Variants in EPB41L3 observed in about 807,000 individuals in gnomAD.
EPB41L3 encodes the protein erythrocyte membrane protein band 4.1 like 3, also known as band 4.1-like protein 3.
In EPB41L3, 57 loss-of-function variants were observed where a neutral mutation model predicts 127.1. The ratio of observed to expected loss-of-function variants is 0.45; its 90% CI spans 0.36 to 0.56. The LOEUF is 0.56. Among genes scored for constraint, EPB41L3 ranks in the 20% least tolerant of loss-of-function variants. The probability of loss-of-function intolerance (pLI) is 0.00; values close to 1 mark genes in which losing one functional copy is unlikely to be tolerated. For missense variants in EPB41L3, 1,273 were observed against 1,372.2 expected (o/e 0.93, Z 1.14); for synonymous variants, 572 against 549.5 (o/e 1.04, Z -0.57).
At chr18:5,619,307 T>C (rs1268388302) in intron 1 of EPB41L3, among the ~76,000 whole-genome samples, 1 of 152,224 alleles carries the variant, frequency 6.6e-6, no homozygotes, top group African/African-American at 2.4e-5. Context: ...CTCACTTCCA[T>C]CCATATGCAG....
chr18:5,423,627 C>G, intron 10 of EPB41L3, 74 bp from the exon 11 acceptor site: 3 of 1,370,854 alleles, frequency 2.2e-6, no homozygotes, highest in Non-Finnish European at 2.0e-6. Context: ...ACTTTTTACT[C>G]TGAGAGGTCA....
intron 3 of EPB41L3, among the ~76,000 whole-genome samples, chr18:5,611,295 T>C (rs1599308029): frequency 1.3e-5 from 2 of 152,224 alleles, no homozygotes; most frequent in South Asian, 2.1e-4. Context: ...GTACGTACAA[T>C]GGAGTATTAC....
At chr18:5,396,179 T>C (rs368155284) in intron 19 of EPB41L3, 22 bp downstream of exon 19, 2 of 1,614,004 alleles carry the variant, frequency 1.2e-6, no homozygotes, top group Non-Finnish European at 1.7e-6. Flanking sequence ...GCCAGGGCTC[T>C]GGTCTTCACA....
At chr18:5,624,411 G>A (rs539057211) in intron 1 of EPB41L3, among the ~76,000 whole-genome samples, 21 of 152,220 alleles carry the variant, frequency 1.4e-4, no homozygotes, top group African/African-American at 5.1e-4. Context: ...TTCTACTTTT[G>A]AAATCTCTGT....
intron 3 of EPB41L3, among the ~76,000 whole-genome samples, chr18:5,465,441 C>T (rs532268402): frequency 7.9e-5 from 12 of 152,068 alleles, no homozygotes; most frequent in African/African-American, 2.4e-4. Flanking sequence ...TATTATTAGG[C>T]GATAAAAGTA....
chr18:5,618,579 C>T (rs1488260348), intron 1 of EPB41L3, among the ~76,000 whole-genome samples: 1 of 152,148 alleles, frequency 6.6e-6, no homozygotes, highest in Admixed American at 6.5e-5. Context: ...CTTGGCTTCC[C>T]CACATCTTTG....
chr18:5,414,481 C>T (rs2076554587), intron 13 of EPB41L3, among the ~76,000 whole-genome samples: 2 of 152,244 alleles, frequency 1.3e-5, no homozygotes, highest in South Asian at 2.1e-4. Context: ...ACTCGCACAC[C>T]CTCAACATAT....
intron 3 of EPB41L3, among the ~76,000 whole-genome samples, chr18:5,554,756 A>C (rs1288142815): frequency 6.6e-6 from 1 of 150,828 alleles, no homozygotes; most frequent in Non-Finnish European, 1.5e-5. Context: ...TTCTGAGGAC[A>C]AAAGAAAATG....
intron 12 of EPB41L3, among the ~76,000 whole-genome samples, chr18:5,419,061 A>G (rs2077157910): frequency 6.6e-6 from 1 of 152,256 alleles, no homozygotes; most frequent in African/African-American, 2.4e-5. Flanking sequence ...ATCACCAGAA[A>G]AAAACATAGT....
At chr18:5,616,897 T>G (rs1010744993) in intron 1 of EPB41L3, among the ~76,000 whole-genome samples, 6 of 152,238 alleles carry the variant, frequency 3.9e-5, no homozygotes, top group Admixed American at 1.3e-4. Context: ...CCATAGACAT[T>G]TGTGTTGTTT....
At position 5,478,373 on chromosome 18, in the gene EPB41L3, T is replaced by C; in HGVS notation, c.249A>G (p.Glu83=). The C allele has an allele frequency of 3.7e-6, 6 of 1,614,204 alleles. No individual in the cohort carries two copies. Among genetic ancestry groups the C allele is most frequent in the Non-Finnish European group, 5.1e-6 (6 of 1,180,036 alleles). The change falls in exon 3 of 23, where the codon GAA becomes GAG. Residue 83 remains glutamate, a synonymous_variant. Transcript: ENST00000341928. ...AAKQLEYQQL[E]DDKLSQKSSS... ...ATGATTTCTGAGAAAGTTTATCGTC[T>C]TCTAATTGCTGATATTCGAGCTGTT...
intron 13 of EPB41L3, among the ~76,000 whole-genome samples, chr18:5,415,340 A>C (rs1354957398): frequency 6.6e-6 from 1 of 152,186 alleles, no homozygotes; most frequent in Non-Finnish European, 1.5e-5. Context: ...ATCTCCAGGG[A>C]GGAGATACCT....
chr18:5,412,954 C>T (rs2076382599), intron 13 of EPB41L3, among the ~76,000 whole-genome samples: 1 of 151,542 alleles, frequency 6.6e-6, no homozygotes, highest in South Asian at 2.1e-4. Context: ...GCATAGTCCA[C>T]ATATAAAATT....
At chr18:5,413,618 T>G (rs1473845290) in intron 13 of EPB41L3, among the ~76,000 whole-genome samples, 1 of 152,106 alleles carries the variant, frequency 6.6e-6, no homozygotes, top group African/African-American at 2.4e-5. Context: ...AAATGGCAAT[T>G]TAAATAAAAC....
chr18:5,441,649 A>G lies in EPB41L3; in HGVS notation c.529+2189T>C, dbSNP rs376978808. ...CCCGGCTAATTTTTGTATTTTTAGT[A>G]GAGACGGGGTTTCACCGTGTCAGCC... On this transcript the variant is annotated intron_variant, in intron 5 of 22. Coordinates refer to ENST00000341928, the MANE Select transcript of EPB41L3 (RefSeq NM_012307.5). Among the ~76,000 whole-genome samples the G allele has an allele frequency of 4.2e-3, 643 of 152,184 alleles. 11 individuals carry two copies. In the South Asian group the frequency reaches 0.048, roughly 11 times the overall value.
chr18:5,630,499 C>T (rs1477916278), upstream of EPB41L3: 1 of 518,574 alleles, frequency 1.9e-6, no homozygotes, highest in East Asian at 5.5e-5. Flanking sequence ...CTCACAGGTC[C>T]CTCCGCAGGG....
At chr18:5,613,220 G>C (rs537523503) in intron 2 of EPB41L3, among the ~76,000 whole-genome samples, 5 of 152,176 alleles carry the variant, frequency 3.3e-5, no homozygotes, top group Admixed American at 6.5e-5. Flanking sequence ...CAAGCCACTA[G>C]ACATTTGTTT....
At chr18:5,426,340 C>T (rs2078180091) in intron 9 of EPB41L3, among the ~76,000 whole-genome samples, 1 of 152,184 alleles carries the variant, frequency 6.6e-6, no homozygotes, top group South Asian at 2.1e-4. Flanking sequence ...TGGCTTCAAT[C>T]ATGCAAACTG....
chr18:5,511,974 A>T (rs184428435), intron 1 of EPB41L3, among the ~76,000 whole-genome samples: 18 of 152,384 alleles, frequency 1.2e-4, no homozygotes, highest in African/African-American at 4.1e-4. Flanking sequence ...AATCGCTTTC[A>T]ATAAGACAAG....
Sources: allele counts gnomAD v4.1 joint callset (sites outside exome capture counted in the v4.1 genomes callset), GRCh38; gene constraint gnomAD v4.1.1; transcripts MANE v1.5; gene names NCBI Gene and HGNC (gene_info 2026-07-23, HGNC 2026-07-21).